Variants in COL4A5 observed in about 807,000 individuals in gnomAD.
The protein encoded by COL4A5 is collagen alpha-5(IV) chain.
Under a neutral mutation model 130.2 loss-of-function variants are expected in COL4A5, and 26 were observed. That is an observed-to-expected ratio of 0.20 (90% confidence interval 0.15 to 0.28). The LOEUF is 0.28. COL4A5 is among the 10% of genes least tolerant of loss of function. The pLI is 1.00. For missense variants in COL4A5, 1,131 were observed against 1,344.3 expected, an observed-to-expected ratio of 0.84 and a Z score of 2.48; for synonymous variants, 496 against 439.6, an observed-to-expected ratio of 1.13 and a Z score of -1.60.
intron 22 of COL4A5, among the ~76,000 whole-genome samples, chrX:108,596,439 ATTTC>A (rs980881324): frequency 1.1e-4 from 12 of 111,979 alleles, no homozygotes; most frequent in Non-Finnish European, 2.3e-4. Flanking sequence ...AAGAATTAGC[ATTTC>A]TAATTAGTAG....
chrX:108,493,468 T>C (rs771924839), intron 1 of COL4A5, among the ~76,000 whole-genome samples: 23 of 112,119 alleles, frequency 2.1e-4, no homozygotes, highest in Non-Finnish European at 3.6e-4. Context: ...TTAACTTTTT[T>C]CTTAATTAAG....
chrX:108,593,254 G>A (rs900672271), intron 21 of COL4A5, among the ~76,000 whole-genome samples: 10 of 111,401 alleles, frequency 9.0e-5, no homozygotes, highest in Admixed American at 8.6e-4. Context: ...ATGTTCCAAA[G>A]TGATTTTCAT....
chrX:108,459,704 A>G (rs763772947), intron 1 of COL4A5, among the ~76,000 whole-genome samples: 2 of 112,269 alleles, frequency 1.8e-5, no homozygotes, highest in East Asian at 5.6e-4. Context: ...ACCTTGCATC[A>G]TCTAGCAGAC....
At chrX:108,561,737 G>T (rs1465160766) in intron 3 of COL4A5, among the ~76,000 whole-genome samples, 3 of 111,627 alleles carry the variant, frequency 2.7e-5, no homozygotes, top group African/African-American at 6.5e-5. Context: ...TAGTCTTCCA[G>T]TAAAGGGAGA....
intron 36 of COL4A5, among the ~76,000 whole-genome samples, chrX:108,648,779 A>G (rs2067662499): frequency 8.9e-6 from 1 of 111,900 alleles, no homozygotes; most frequent in South Asian, 3.7e-4. Flanking sequence ...CCCACAGCCA[A>G]CATAGTACTG....
chrX:108,537,262 T>C (rs2065469604), intron 1 of COL4A5, among the ~76,000 whole-genome samples: 1 of 111,486 alleles, frequency 9.0e-6, no homozygotes, highest in South Asian at 3.7e-4. Flanking sequence ...TGTTTTGTTT[T>C]AACCTATGAG....
chrX:108,670,764 G>A (rs1473536393), intron 42 of COL4A5: 3 of 316,038 alleles, frequency 9.5e-6, no homozygotes, highest in Admixed American at 6.5e-5. Flanking sequence ...TAATAGGGCC[G>A]GGCACCATGG....
intron 17 of COL4A5, among the ~76,000 whole-genome samples, chrX:108,583,720 AT>A (rs762243568): frequency 9.0e-6 from 1 of 111,463 alleles, no homozygotes; most frequent in African/African-American, 3.3e-5. Context: ...CGATAAAATG[AT>A]TTTTTGTCAA....
In COL4A5 at chrX:108,600,642, TTAGATAGATAGA is replaced by T. The variant is rs138215716; in HGVS notation, c.1949-713_1949-702del. On this transcript the variant is annotated intron_variant, in intron 25 of 52. Transcript: ENST00000328300. Reference sequence around the variant, plus strand: ...TAAAAAGGATGGACAGATGGGTAGATTAGATAGATAGATAGATAGATAGATAGATAGATAGAT... The same window carrying T: ...TAAAAAGGATGGACAGATGGGTAGATTAGATAGATAGATAGATAGATAGAT... 9.4e-3 allele frequency among the ~76,000 whole-genome samples: 910 copies of T among 96,763 alleles called. 7 individuals are homozygous for T. Among genetic ancestry groups the T allele is most frequent in the African/African-American group, 0.02 (528 of 26,449 alleles). The allele number at this position is 96,763 out of a possible 115,157, so 84.0% of individuals were successfully genotyped here.
chrX:108,449,935 T>C (rs372475902), intron 1 of COL4A5, among the ~76,000 whole-genome samples: 1 of 112,023 alleles, frequency 8.9e-6, no homozygotes, highest in East Asian at 2.8e-4. Flanking sequence ...ATACGAAGAA[T>C]GTTTACTTTT....
At chrX:108,677,742 A>C (rs947987180) in intron 44 of COL4A5, 109 bp downstream of exon 44, 4 of 967,717 alleles carry the variant, frequency 4.1e-6, no homozygotes, top group Non-Finnish European at 5.8e-6. Context: ...ACAAGGTTCT[A>C]TGTGTGGCTC....
At chrX:108,674,633 A>C in intron 42 of COL4A5, 112 bp from the exon 43 acceptor site, 1 of 753,642 alleles carries the variant, frequency 1.3e-6, no homozygotes, top group Non-Finnish European at 2.0e-6. Flanking sequence ...TTATTGTTTT[A>C]ACTTGTACTA....
intron 1 of COL4A5, among the ~76,000 whole-genome samples, chrX:108,473,764 T>G (rs965963208): frequency 9.7e-6 from 1 of 103,619 alleles, no homozygotes; most frequent in African/African-American, 3.5e-5. Context: ...CCCAAGTAGC[T>G]GGGATCACAG....
chrX:108,606,651 T>C, intron 28 of COL4A5, 91 bp from the exon 29 acceptor site: 8 of 990,341 alleles, frequency 8.1e-6, no homozygotes, highest in Non-Finnish European at 1.2e-5. Context: ...AGTATTGTCT[T>C]GTATTTTCGG....
intron 1 of COL4A5, among the ~76,000 whole-genome samples, chrX:108,458,929 C>G (rs1037861198): frequency 3.7e-5 from 4 of 109,076 alleles, no homozygotes; most frequent in Non-Finnish European, 7.6e-5. Context: ...GCAGTGAGCC[C>G]AGATCGCGCC....
At chrX:108,615,135 A>G (rs920333203) in intron 30 of COL4A5, 111 bp downstream of exon 30, 1 of 560,499 alleles carries the variant, frequency 1.8e-6, no homozygotes, top group East Asian at 3.6e-5. Context: ...CTTAAAAGGC[A>G]ATCTATCTAT....
intron 1 of COL4A5, among the ~76,000 whole-genome samples, chrX:108,510,291 C>A (rs1437085573): frequency 9.0e-6 from 1 of 111,376 alleles, no homozygotes; most frequent in Non-Finnish European, 1.9e-5. Flanking sequence ...TGCACATTTA[C>A]CCCAGCACCT....
chrX:108,532,645 CTT>C (rs1241717590), intron 1 of COL4A5, among the ~76,000 whole-genome samples: 1 of 110,966 alleles, frequency 9.0e-6, no homozygotes, highest in Non-Finnish European at 1.9e-5. Flanking sequence ...AATTGCCCCT[CTT>C]TACCGATATA....
chrX:108,552,741 C>G (rs28812469), intron 2 of COL4A5, among the ~76,000 whole-genome samples: 10,450 of 111,454 alleles, frequency 0.094, 1,093 homozygotes, highest in African/African-American at 0.31. Context: ...CAGTGCAACT[C>G]CAATCAAAAT....
Sources: gnomAD v4.1 joint callset for allele counts (sites outside exome capture counted in the v4.1 genomes callset) on GRCh38, gnomAD v4.1.1 for gene constraint, MANE v1.5 for transcripts, NCBI Gene and HGNC (gene_info 2026-07-23, HGNC 2026-07-21) for gene names.